Variants in DESI1 observed in about 807,000 individuals in gnomAD.
The protein encoded by DESI1 is desumoylating isopeptidase 1.
A neutral mutation model predicts 22.4 loss-of-function variants in DESI1; 17 were observed. The observed-to-expected ratio is 0.76, with a 90% CI of 0.52 to 1.14. DESI1 has a LOEUF of 1.14. Among genes scored for constraint, DESI1 ranks in the 50% most tolerant of loss-of-function variants. The pLI is 0.00. For synonymous variants in DESI1, 92 were observed against 84.2 expected (o/e 1.09, Z -0.51); for missense variants, 177 against 208.9 (o/e 0.85, Z 0.94).
At chr22:41,620,643 T>C in intron 1 of DESI1, 109 bp downstream of exon 1, 1 of 1,099,634 alleles carries the variant, frequency 9.1e-7, no homozygotes. Flanking sequence ...TCCATCCTCC[T>C]GGCCATGTGT....
chr22:41,620,629 T>C, intron 1 of DESI1, 123 bp downstream of exon 1: 4 of 992,194 alleles, frequency 4.0e-6, no homozygotes, highest in Middle Eastern at 2.9e-4. Flanking sequence ...CACTCGGCTT[T>C]TCTTCCATCC....
intron 3 of DESI1, 97 bp from the exon 4 acceptor site, chr22:41,604,250 C>A (rs890488566): frequency 9.2e-4 from 260 of 283,794 alleles, no homozygotes; most frequent in Middle Eastern, 2.0e-3. Flanking sequence ...TCTGTTCTGA[C>A]TTTTTTTTTT....
chr22:41,607,301 C>G lies in DESI1; in HGVS notation c.141G>C (p.Glu47Asp), dbSNP rs779437358. ...WHTSIVVHKD[E>D]FFFGSGGISS... ...AGATACCACCACTGCCGAAGAAGAA[C>G]TCATCCTTGTGCACAACTATGGATG... The change falls in exon 3 of 6, where the codon GAG becomes GAC. Residue 47 changes from glutamate to aspartate, a missense_variant. By Grantham distance (45) the Glu-to-Asp change is conservative (BLOSUM62 2). Transcript: ENST00000263256. 1 of 1,612,834 alleles carries G rather than the reference C, an allele frequency of 6.2e-7. No individual in the cohort carries two copies. The highest frequency in any genetic ancestry group is 1.3e-5 in the African/African-American group (1 of 74,912).
chr22:41,611,253 CCAA>C (rs2067515294), intron 1 of DESI1, among the ~76,000 whole-genome samples: 2 of 152,180 alleles, frequency 1.3e-5, no homozygotes, highest in South Asian at 4.1e-4. Context: ...CCTCAGACTC[CCAA>C]GTACAGGCTG....
chr22:41,615,525 T>G (rs1260126072), intron 1 of DESI1, among the ~76,000 whole-genome samples: 2 of 152,186 alleles, frequency 1.3e-5, no homozygotes, highest in Non-Finnish European at 2.9e-5. Context: ...ATTAAATTAA[T>G]TCATTAGATG....
intron 2 of DESI1, 90 bp from the exon 3 acceptor site, chr22:41,607,421 C>A: frequency 7.7e-7 from 1 of 1,294,236 alleles, no homozygotes; most frequent in Non-Finnish European, 1.1e-6. Flanking sequence ...AATTTCTGCC[C>A]AAGGATAGGA....
chr22:41,607,265 G>C lies in DESI1; in HGVS notation c.177C>G (p.Pro59=), dbSNP rs756150584. Residue 59 remains proline (P), a synonymous_variant, in exon 3 of 6, where the codon CCC becomes CCG. Transcript: ENST00000263256. ...FFGSGGISSC[P]PGGTLLGPPD... is the part of the protein sequence containing the mutation. ...GAGTGTAGGGGAAGACACTCACCGG[G>C]GGGCAGCTGGAGATACCACCACTGC... The C allele has an allele frequency of 6.2e-7, 1 of 1,609,274 alleles. No homozygotes were observed. The highest frequency in any genetic ancestry group is 1.7e-5 in the Admixed American group (1 of 59,458).
chr22:41,613,882 C>T (rs2067532905), intron 1 of DESI1, among the ~76,000 whole-genome samples: 1 of 152,152 alleles, frequency 6.6e-6, no homozygotes, highest in African/African-American at 2.4e-5. Context: ...ACAAACCCTA[C>T]TTTATTCTCC....
intron 1 of DESI1, among the ~76,000 whole-genome samples, chr22:41,618,696 G>T (rs2067564350): frequency 6.6e-6 from 1 of 152,120 alleles, no homozygotes; most frequent in African/African-American, 2.4e-5. Flanking sequence ...GTGGGGTATA[G>T]GAAATATCTG....
intron 4 of DESI1, 141 bp from the exon 5 acceptor site, chr22:41,603,522 C>T: frequency 7.4e-7 from 1 of 1,348,102 alleles, no homozygotes; most frequent in Non-Finnish European, 1.0e-6. Flanking sequence ...CAGAAAAGCA[C>T]TGCTTATTTG....
chr22:41,605,179 C>T (rs80477), intron 3 of DESI1, among the ~76,000 whole-genome samples: 105,195 of 152,080 alleles, frequency 0.69, 38,019 homozygotes, highest in East Asian at 0.92. Flanking sequence ...AATGGAAAAA[C>T]GAGGACGGTG....
Position 41,607,325 on chromosome 22 carries a change from TG to T in DESI1, c.116del (p.Thr39AsnfsTer3). Reference sequence around the variant, plus strand: ...ACTCATCCTTGTGCACAACTATGGATGTGTGCCTGTCACACAGAGAGAGACA... The same window carrying T: ...ACTCATCCTTGTGCACAACTATGGATTGTGCCTGTCACACAGAGAGAGACA... The part of the protein sequence containing the change: ...LGKQLEGIWH[T>X]SIVVHKDEFF... On this transcript the variant is annotated frameshift_variant, in exon 3 of 6. Transcript: ENST00000263256. LOFTEE classifies it high-confidence loss of function. 2 of 1,611,162 alleles carry T rather than the reference TG, an allele frequency of 1.2e-6. No homozygotes were observed. Among genetic ancestry groups the T allele is most frequent in the Non-Finnish European group, 1.7e-6 (2 of 1,178,902 alleles).
chr22:41,618,641 AG>A (rs1225415574), intron 1 of DESI1, among the ~76,000 whole-genome samples: 1 of 151,604 alleles, frequency 6.6e-6, no homozygotes, highest in Non-Finnish European at 1.5e-5. Flanking sequence ...AATAATTATT[AG>A]GTAATAGGAT....
intron 2 of DESI1, 38 bp from the exon 3 acceptor site, chr22:41,607,369 T>G (rs141543996): frequency 2.4e-5 from 38 of 1,579,908 alleles, no homozygotes; most frequent in Non-Finnish European, 3.0e-5. Flanking sequence ...CCAGAAAACT[T>G]AAACTTTTGA....
At chr22:41,620,503 C>T (rs557674276) in intron 1 of DESI1, among the ~76,000 whole-genome samples, 19 of 152,306 alleles carry the variant, frequency 1.2e-4, no homozygotes, top group African/African-American at 3.6e-4. Flanking sequence ...CCCAAGCCCC[C>T]TGCAAGGTGG....
At chr22:41,602,686 C>A in intron 5 of DESI1, 1 of 988,314 alleles carries the variant, frequency 1.0e-6, no homozygotes, top group South Asian at 4.6e-5. Flanking sequence ...GGTATACTGC[C>A]TGGATGATGG....
chr22:41,615,272 T>TAAAAAAAAAA (rs58574960), intron 1 of DESI1, among the ~76,000 whole-genome samples: 1 of 108,488 alleles, frequency 9.2e-6, no homozygotes, highest in Non-Finnish European at 1.9e-5. Context: ...TACTAAAAAT[T>TAAAAAAAAAA]AAAAAAAAAA....
At position 41,599,037 on chromosome 22, in the gene DESI1, C is replaced by G. The variant is rs939070357; in HGVS notation, c.*2060G>C. The G allele has an allele frequency of 5.3e-5, 8 of 152,222 alleles. No homozygotes were observed. The highest frequency in any genetic ancestry group is 1.9e-4 in the African/African-American group (8 of 41,438). 9.4% of individuals were successfully genotyped at this position (152,222 alleles called of 1,614,324 possible). ...TGCCCCTGGTCAGGTCGCAGGCAAACACTAAGGCAGAATGACAGCTCCTCT... is the reference window on the plus strand; with the variant it reads ...TGCCCCTGGTCAGGTCGCAGGCAAAGACTAAGGCAGAATGACAGCTCCTCT... On this transcript the variant is annotated 3_prime_UTR_variant, in exon 6 of 6. Coordinates refer to ENST00000263256, the MANE Select transcript of DESI1 (RefSeq NM_015704.3).
intron 1 of DESI1, among the ~76,000 whole-genome samples, chr22:41,618,808 T>C (rs1202045947): frequency 6.6e-6 from 1 of 152,224 alleles, no homozygotes; most frequent in East Asian, 1.9e-4. Context: ...CTGACGCCTG[T>C]AATCCCAGCA....
Sources: allele counts gnomAD v4.1 joint callset (sites outside exome capture counted in the v4.1 genomes callset), GRCh38; gene constraint gnomAD v4.1.1; transcripts MANE v1.5; gene names NCBI Gene and HGNC (gene_info 2026-07-23, HGNC 2026-07-21).